Variants in MDN1 observed in about 807,000 individuals in gnomAD.
The protein encoded by MDN1 is midasin AAA ATPase 1.
A neutral mutation model predicts 669.2 loss-of-function variants in MDN1; 266 were observed. That is an observed-to-expected ratio of 0.40 (90% confidence interval 0.36 to 0.44). The LOEUF (loss-of-function observed/expected upper bound fraction) is 0.44. Ranked by LOEUF, MDN1 falls within the 20% of genes least tolerant of loss-of-function variation. The probability of loss-of-function intolerance (pLI) is 1.00; values close to 1 mark genes in which losing one functional copy is unlikely to be tolerated. For synonymous variants in MDN1, 2,385 were observed against 2,457.1 expected, an observed-to-expected ratio of 0.97 and a Z score of 0.87; for missense variants, 5,940 against 6,754.0, an observed-to-expected ratio of 0.88 and a Z score of 4.22.
chr6:89,785,941 C>A (rs1285897744), intron 8 of MDN1, among the ~76,000 whole-genome samples: 1 of 151,828 alleles, frequency 6.6e-6, no homozygotes, highest in African/African-American at 2.4e-5. Flanking sequence ...CAAGACCAGC[C>A]TGGGCAACAA....
At chr6:89,761,976 T>C (rs552081666) in intron 16 of MDN1, among the ~76,000 whole-genome samples, 19 of 152,314 alleles carry the variant, frequency 1.2e-4, no homozygotes, top group Admixed American at 4.6e-4. Context: ...AACAACCCTC[T>C]GGACTAGTTA....
chr6:89,666,902 G>A (rs1246580232), intron 84 of MDN1, among the ~76,000 whole-genome samples: 1 of 152,110 alleles, frequency 6.6e-6, no homozygotes, highest in Admixed American at 6.5e-5. Flanking sequence ...TGCATGGATG[G>A]TGCCATAATT....
chr6:89,684,069 C>T (rs112839883), intron 71 of MDN1, among the ~76,000 whole-genome samples, 165 bp from the exon 72 acceptor site: 10 of 152,262 alleles, frequency 6.6e-5, no homozygotes, highest in South Asian at 2.1e-4. Flanking sequence ...ATGGGCTAGG[C>T]GCGGTGGCTC....
At chr6:89,656,874 A>C in intron 90 of MDN1, 73 bp from the exon 91 acceptor site, 2 of 1,244,600 alleles carry the variant, frequency 1.6e-6, no homozygotes, top group Non-Finnish European at 2.3e-6. Context: ...TGCTGCATTG[A>C]ATACAACTTC....
intron 29 of MDN1, among the ~76,000 whole-genome samples, chr6:89,745,055 C>T (rs1171936527): frequency 1.3e-5 from 2 of 148,368 alleles, no homozygotes; most frequent in Non-Finnish European, 3.0e-5. Context: ...TTGCTGCACC[C>T]CTCAACTCGT....
intron 5 of MDN1, 24 bp from the exon 6 acceptor site, chr6:89,790,425 T>C (rs746144438): frequency 1.9e-6 from 3 of 1,613,134 alleles, no homozygotes; most frequent in Non-Finnish European, 2.5e-6. Flanking sequence ...ACAAAAGCCA[T>C]GTCAAGAAGA....
chr6:89,810,008 A>T (rs1562242785), intron 1 of MDN1, among the ~76,000 whole-genome samples: 2 of 142,480 alleles, frequency 1.4e-5, no homozygotes, highest in Non-Finnish European at 3.1e-5. Flanking sequence ...AAAAAAAAAA[A>T]AAAAAAAAAA....
Position 89,683,816 on chromosome 6 carries a change from TA to T in MDN1, c.11903+14del, listed in dbSNP as rs1273614733. On this transcript the variant is annotated intron_variant, in intron 72 of 101. Coordinates refer to ENST00000369393, the MANE Select transcript of MDN1 (RefSeq NM_014611.3). ...ATTCTATTTTGGTTGTCTCCAGTTT[TA>T]AAAGATGGATTACCTGTGTGTCTTT... 1.2e-5 allele frequency: 19 copies of T among 1,606,844 alleles called. No homozygotes were observed. Among genetic ancestry groups the T allele is most frequent in the Non-Finnish European group, 1.6e-5 (19 of 1,174,162 alleles).
intron 99 of MDN1, among the ~76,000 whole-genome samples, chr6:89,646,939 C>A (rs1584075451): frequency 6.6e-6 from 1 of 152,140 alleles, no homozygotes; most frequent in Non-Finnish European, 1.5e-5. Context: ...GTATGTGCCA[C>A]CACACCTGGA....
At position 89,648,141 on chromosome 6, in the gene MDN1, C is replaced by G; in HGVS notation, c.16286G>C (p.Gly5429Ala). The G allele has an allele frequency of 1.2e-6, 2 of 1,613,672 alleles. No homozygotes were observed. Among genetic ancestry groups the G allele is most frequent in the South Asian group, 1.1e-5 (1 of 91,080 alleles). ...EVGQIAVCSF[G>A]ESVKLLHPFH... ...TGGGTGTAACAGCTTTACAGATTCT[C>G]CAAAACTTGGGGGAGGAAAACCAAA... The change falls in exon 99 of 102, where the codon GGA becomes GCA. Residue 5429 changes from glycine (G) to alanine (A), a missense_variant. Gly to Ala is a moderately conservative substitution (Grantham distance 60). This residue lies in a region of MDN1 where 2,280 missense variants were observed against 2,576.3 expected (regional missense o/e 0.88). Transcript: ENST00000369393.
At chr6:89,655,703 A>G in intron 92 of MDN1, 61 bp downstream of exon 92, 1 of 1,434,802 alleles carries the variant, frequency 7.0e-7, no homozygotes, top group South Asian at 1.3e-5. Context: ...TATAGGTCAC[A>G]TAGCACAAGC....
rs1387061473 is a variant in MDN1, at chr6:89,656,745, G to T, written c.15240C>A (p.Phe5080Leu). The change falls in exon 91 of 102, where the codon TTC becomes TTA. Residue 5080 changes from phenylalanine (F) to leucine (L), a missense_variant. Coordinates refer to ENST00000369393, the MANE Select transcript of MDN1 (RefSeq NM_014611.3). ...ANQAEGHESN[F>L]IAQLASQKHT... is the part of the protein sequence containing the mutation. Reference sequence around the variant, plus strand: ...GCTTCTGGGAGGCCAACTGGGCAATGAAATTCGATTCATGGCCTTCTGCCT... The same window carrying T: ...GCTTCTGGGAGGCCAACTGGGCAATTAAATTCGATTCATGGCCTTCTGCCT... 6.2e-7 allele frequency: 1 copy of T among 1,613,378 alleles called. No homozygotes were observed. Among genetic ancestry groups the T allele is most frequent in the Non-Finnish European group, 8.5e-7 (1 of 1,179,732 alleles).
intron 17 of MDN1, 108 bp downstream of exon 17, chr6:89,761,537 C>A: frequency 1.5e-6 from 1 of 668,252 alleles, no homozygotes; most frequent in Non-Finnish European, 2.3e-6. Context: ...CAAAATCTTC[C>A]CCCAAAATCA....
intron 2 of MDN1, among the ~76,000 whole-genome samples, chr6:89,799,544 G>A (rs1242109562): frequency 1.3e-5 from 2 of 152,160 alleles, no homozygotes; most frequent in African/African-American, 4.8e-5. Flanking sequence ...TTAGCCAGGT[G>A]TGGTGGCACA....
rs1424891218 is a variant in MDN1, at chr6:89,819,747, G to A, written c.-140C>T. ...CGTCCTCAGCTCCAGCGCCTACACC[G>A]GGAGAGGGGCACCACACGTGGGTGA... On this transcript the variant is annotated 5_prime_UTR_variant, in exon 1 of 102. Coordinates refer to ENST00000369393, the MANE Select transcript of MDN1 (RefSeq NM_014611.3). 3.0e-6 allele frequency: 2 copies of A among 665,952 alleles called. No homozygotes were observed. Among genetic ancestry groups the A allele is most frequent in the Admixed American group, 4.9e-5 (2 of 41,230 alleles). The allele number at this position is 665,952 out of a possible 1,614,324, so 41.3% of individuals were successfully genotyped here. A position where few individuals can be genotyped will look rare whatever the true frequency, so the allele number is the denominator to read the frequency against.
chr6:89,763,332 C>CAAAA (rs35383804), intron 15 of MDN1, among the ~76,000 whole-genome samples: 2 of 97,092 alleles, frequency 2.1e-5, no homozygotes, highest in Non-Finnish European at 2.2e-5. Context: ...GTAGGGCACG[C>CAAAA]AAAAAAAAAA....
intron 33 of MDN1, among the ~76,000 whole-genome samples, chr6:89,737,781 T>TG (rs1172166350): frequency 5.4e-5 from 8 of 149,478 alleles, no homozygotes; most frequent in African/African-American, 2.0e-4. Flanking sequence ...TGGAGTGCAA[T>TG]GGCGCGATCT....
At chr6:89,652,829 T>C (rs1808977714) in intron 94 of MDN1, among the ~76,000 whole-genome samples, 163 bp downstream of exon 94, 1 of 152,162 alleles carries the variant, frequency 6.6e-6, no homozygotes, top group Middle Eastern at 3.2e-3. Flanking sequence ...AGAACACCTA[T>C]CATACCAATA....
intron 1 of MDN1, among the ~76,000 whole-genome samples, chr6:89,816,553 T>C (rs1768848142): frequency 6.6e-6 from 1 of 152,062 alleles, no homozygotes; most frequent in Non-Finnish European, 1.5e-5. Flanking sequence ...AGCAAGATCC[T>C]ATCTCTTTAA....
Sources: allele counts gnomAD v4.1 joint callset (sites outside exome capture counted in the v4.1 genomes callset), GRCh38; gene constraint gnomAD v4.1.1; regional missense constraint gnomAD v4.1.1; transcripts MANE v1.5; gene names NCBI Gene and HGNC (gene_info 2026-07-23, HGNC 2026-07-21).